The following COL3A1 variants were observed in gnomAD, a reference collection of about 807,000 sequenced individuals.
COL3A1 encodes the protein collagen alpha-1(III) chain.
In COL3A1, 46 loss-of-function variants were observed where a neutral mutation model predicts 200.9. The observed-to-expected ratio is 0.23, with a 90% confidence interval of 0.18 to 0.29. COL3A1 has a LOEUF of 0.29. Among genes scored for constraint, COL3A1 ranks in the 10% least tolerant of loss-of-function variants. COL3A1 has a pLI of 1.00. For missense variants in COL3A1, 1,367 were observed against 1,917.6 expected (o/e 0.71, Z 5.36); for synonymous variants, 650 against 628.0 (o/e 1.03, Z -0.52).
intron 48 of COL3A1, among the ~76,000 whole-genome samples, 196 bp downstream of exon 48, chr2:189,009,417 C>T (rs1688670731): frequency 6.6e-6 from 1 of 151,866 alleles, no homozygotes; most frequent in Non-Finnish European, 1.5e-5. Context: ...TCAGATCATG[C>T]CAAATACAGA....
At chr2:188,991,417 T>G in intron 11 of COL3A1, 70 bp from the exon 12 acceptor site, 1 of 1,013,940 alleles carries the variant, frequency 9.9e-7, no homozygotes. Flanking sequence ...TCCATAATAT[T>G]CTGTATTTAA....
chr2:188,992,002 A>G lies in COL3A1; in HGVS notation c.952-182A>G, dbSNP rs144901075. Among the ~76,000 whole-genome samples, 491 of 152,256 alleles carry G rather than the reference A, an allele frequency of 3.2e-3. 1 individual carries two copies. Among genetic ancestry groups the G allele is most frequent in the Non-Finnish European group, 5.0e-3 (343 of 68,006 alleles). On this transcript the variant is annotated intron_variant, in intron 13 of 50. Transcript: ENST00000304636. ...AAAACACAGACTCCAATCCTTCTACATTTGATTGTTGCTGTATATATCAGA... is the reference window on the plus strand; with the variant it reads ...AAAACACAGACTCCAATCCTTCTACGTTTGATTGTTGCTGTATATATCAGA...
intron 36 of COL3A1, 39 bp downstream of exon 36, chr2:189,003,101 T>A: frequency 7.1e-7 from 1 of 1,408,938 alleles, no homozygotes; most frequent in Non-Finnish European, 9.8e-7. Context: ...CTATCTATCA[T>A]CTATCTATCT....
In COL3A1 at chr2:189,010,689, T is replaced by C. The variant is rs1016578152; in HGVS notation, c.4053T>C (p.Asp1351=). Residue 1351 remains aspartate (D), a synonymous_variant, in exon 50 of 51, where the codon GAT becomes GAC. Transcript: ENST00000304636. ...CTGAACTTCCTGAAGATGTCCTTGA[T>C]GTGCATCTGGCATTCCTTCGACTTC... ...GNPELPEDVL[D]VHLAFLRLLS... 1.2e-6 allele frequency: 2 copies of C among 1,614,068 alleles called. No individual in the cohort carries two copies. The highest frequency in any genetic ancestry group is 1.7e-6 in the Non-Finnish European group (2 of 1,180,000).
intron 10 of COL3A1, among the ~76,000 whole-genome samples, chr2:188,990,686 A>G (rs533048073): frequency 6.6e-6 from 1 of 152,118 alleles, no homozygotes; most frequent in Non-Finnish European, 1.5e-5. Flanking sequence ...TTCTATGCAA[A>G]ATATTTCGTA....
chr2:188,994,911 A>C lies in COL3A1; in HGVS notation c.1455+80A>C. 1.3e-6 allele frequency: 2 copies of C among 1,568,682 alleles called. No homozygotes were observed. The highest frequency in any genetic ancestry group is 1.1e-5 in the South Asian group (1 of 90,194). On this transcript the variant is annotated intron_variant, in intron 20 of 50. Transcript: ENST00000304636. The surrounding 1 kb of genome is among the most constrained non-coding windows in gnomAD (Gnocchi z 4.5). ...AAACTACCTTCAGGGTGAGACAGCC[A>C]ATTTTTCTTAAGTTGAGTGTTCAGT...
chr2:188,983,798 TATTTA>T (rs1345592600), intron 1 of COL3A1, among the ~76,000 whole-genome samples: 2 of 151,986 alleles, frequency 1.3e-5, no homozygotes, highest in Non-Finnish European at 2.9e-5. Flanking sequence ...AGAAACTTAT[TATTTA>T]TTTACTCAAT....
intron 15 of COL3A1, 72 bp from the exon 16 acceptor site, chr2:188,993,289 G>A: frequency 7.9e-7 from 1 of 1,273,180 alleles, no homozygotes. Context: ...TGTTTAAACA[G>A]GACTGAAGGG....
At chr2:188,995,915 C>T (rs1243216115) in intron 22 of COL3A1, 125 bp downstream of exon 22, 5 of 1,009,814 alleles carry the variant, frequency 5.0e-6, no homozygotes, top group Non-Finnish European at 7.4e-6. Flanking sequence ...CCAAACAAAA[C>T]AAAATTCTTT....
At chr2:188,978,199 G>A (rs1323248414) in intron 1 of COL3A1, 2 of 185,746 alleles carry the variant, frequency 1.1e-5, no homozygotes, top group South Asian at 1.0e-4. Flanking sequence ...AAACATTTCA[G>A]CATTACAAGA....
intron 27 of COL3A1, 70 bp from the exon 28 acceptor site, chr2:188,998,196 G>A (rs1215854901): frequency 2.2e-6 from 3 of 1,385,296 alleles, no homozygotes; most frequent in Admixed American, 1.8e-5. Context: ...AGAAACATGT[G>A]TACATATGAG....
chr2:189,001,648 A>ATGCTTCCCTTTTTGGCAGT, intron 34 of COL3A1, 59 bp downstream of exon 34: 1 of 1,591,572 alleles, frequency 6.3e-7, no homozygotes, highest in Non-Finnish European at 8.6e-7. Context: ...GTAGCTACTT[A>ATGCTTCCCTTTTTGGCAGT]TGCTTCCCTT....
chr2:188,976,684 C>T (rs901003287), intron 1 of COL3A1, among the ~76,000 whole-genome samples: 2 of 152,122 alleles, frequency 1.3e-5, no homozygotes, highest in Admixed American at 1.3e-4. Context: ...ACTTCTAGTT[C>T]ACTCACAGGC....
At chr2:188,983,030 C>T (rs1209623754) in intron 1 of COL3A1, among the ~76,000 whole-genome samples, 1 of 151,802 alleles carries the variant, frequency 6.6e-6, no homozygotes, top group Admixed American at 6.6e-5. Context: ...TCCGTAACAC[C>T]ATTCAAATAG....
chr2:188,980,385 TAA>T, intron 1 of COL3A1, among the ~76,000 whole-genome samples: 1 of 26,580 alleles, frequency 3.8e-5, no homozygotes, highest in Non-Finnish European at 8.0e-5. Context: ...TAGACAATTC[TAA>T]AAGATTAATC....
intron 21 of COL3A1, 125 bp from the exon 22 acceptor site, chr2:188,995,567 T>C: frequency 5.9e-6 from 4 of 680,458 alleles, no homozygotes; most frequent in Non-Finnish European, 1.0e-5. Context: ...TGTATAAATG[T>C]TTCAGCAACA....
rs41265545 is a variant in COL3A1, at chr2:189,007,637, C to T, written c.3363+30C>T. 1,410 of 1,554,712 alleles carry T rather than the reference C, an allele frequency of 9.1e-4. 10 individuals carry two copies. In the African/African-American group the frequency reaches 0.017, roughly 19 times the overall value. On this transcript the variant is annotated intron_variant, in intron 45 of 50. Transcript: ENST00000304636. Reference sequence around the variant, plus strand: ...GTGCATTCATTTTGTTGGAAAATCCCTTCAATGTATACAAATTTTAGAGAT... The same window carrying T: ...GTGCATTCATTTTGTTGGAAAATCCTTTCAATGTATACAAATTTTAGAGAT...
chr2:188,996,228 G>A lies in COL3A1; in HGVS notation c.1662+50G>A, dbSNP rs566932924. ...TTTAAAAGGCCAGTTAAAATGGAAT[G>A]TATATGTTGGCCTATCCTTGAGTGT... On this transcript the variant is annotated intron_variant, in intron 23 of 50. Coordinates refer to ENST00000304636, the MANE Select transcript of COL3A1 (RefSeq NM_000090.4). 3 of 1,501,494 alleles carry A rather than the reference G, an allele frequency of 2.0e-6. No homozygotes were observed. The Admixed American group carries it at 5.0e-5, about 25-fold the overall frequency. The allele number at this position is 1,501,494 out of a possible 1,614,324, so 93.0% of individuals were successfully genotyped here.
Position 188,997,837 on chromosome 2 carries a change from C to T in COL3A1, c.1923+84C>T. 2.5e-6 allele frequency: 3 copies of T among 1,215,748 alleles called. No individual in the cohort carries two copies. In the South Asian group the frequency reaches 3.8e-5, roughly 15 times the overall value. 75.3% of individuals were successfully genotyped at this position (1,215,748 alleles called of 1,614,324 possible). On this transcript the variant is annotated intron_variant, in intron 27 of 50. Coordinates refer to ENST00000304636, the MANE Select transcript of COL3A1 (RefSeq NM_000090.4). Reference sequence around the variant, plus strand: ...CTAATAGATTATAATTTATCTGAAGCTTAACTTGTGATTCTGTCTTTCATC... The same window carrying T: ...CTAATAGATTATAATTTATCTGAAGTTTAACTTGTGATTCTGTCTTTCATC...
Sources: allele counts gnomAD v4.1 joint callset (sites outside exome capture counted in the v4.1 genomes callset), GRCh38; gene constraint gnomAD v4.1.1; non-coding constraint Gnocchi (gnomAD v3.1); transcripts MANE v1.5; gene names NCBI Gene and HGNC (gene_info 2026-07-23, HGNC 2026-07-21).